SH3BP1: variants seen among roughly 807,000 people sequenced by gnomAD.
SH3BP1 encodes the protein SH3 domain binding protein 1, also known as SH3 domain-binding protein 1.
In SH3BP1, 46 loss-of-function variants were observed where a neutral mutation model predicts 69.8. The ratio of observed to expected loss-of-function variants is 0.66; its 90% CI spans 0.52 to 0.84. The LOEUF (loss-of-function observed/expected upper bound fraction) is 0.84, where lower values mean the gene tolerates loss of function less well. SH3BP1 is among the 40% of genes least tolerant of loss of function. The probability of loss-of-function intolerance (pLI) is 0.00; values close to 1 mark genes in which losing one functional copy is unlikely to be tolerated. For missense variants in SH3BP1, 868 were observed against 930.9 expected, an observed-to-expected ratio of 0.93 and a Z score of 0.88; for synonymous variants, 403 against 378.0, an observed-to-expected ratio of 1.07 and a Z score of -0.77.
intron 4 of SH3BP1, 34 bp from the exon 5 acceptor site, chr22:37,642,861 G>C: frequency 1.2e-6 from 2 of 1,603,514 alleles, no homozygotes; most frequent in South Asian, 2.2e-5. Context: ...TGAGGGCAGC[G>C]GGCGCCTGGA....
At chr22:37,647,115 G>A (rs1352155268) in intron 11 of SH3BP1, 152 bp from the exon 12 acceptor site, 2 of 805,270 alleles carry the variant, frequency 2.5e-6, no homozygotes, top group African/African-American at 3.4e-5. Context: ...GGACAAGATG[G>A]CTAGCCTTCA....
chr22:37,641,351 T>C, intron 2 of SH3BP1, 23 bp from the exon 3 acceptor site: 1 of 1,550,212 alleles, frequency 6.5e-7, no homozygotes, highest in Non-Finnish European at 8.7e-7. Flanking sequence ...TCTTGATCCT[T>C]AACCTCCATA....
In SH3BP1 at chr22:37,655,827, A is replaced by C; in HGVS notation, c.*143A>C. The C allele has an allele frequency of 2.7e-6, 4 of 1,462,726 alleles. No individual in the cohort carries two copies. Among genetic ancestry groups the C allele is most frequent in the East Asian group, 2.5e-5 (1 of 39,426 alleles). The allele number at this position is 1,462,726 out of a possible 1,614,324, so 90.6% of individuals were successfully genotyped here. On this transcript the variant is annotated 3_prime_UTR_variant, in exon 18 of 18. Coordinates refer to ENST00000649765, the MANE Select transcript of SH3BP1 (RefSeq NM_018957.6). ...CTCAGTGCCCACTGGGTCGGCCCCC[A>C]TGGCCAGGAGGGCTCAGGACAATCC...
chr22:37,641,317 T>C (rs964027487), intron 2 of SH3BP1, 57 bp from the exon 3 acceptor site: 23 of 1,537,414 alleles, frequency 1.5e-5, no homozygotes, highest in Non-Finnish European at 2.0e-5. Flanking sequence ...GGAGAAAGTT[T>C]CCTGCTCAGG....
chr22:37,645,863 CT>C (rs1406545795), intron 10 of SH3BP1, among the ~76,000 whole-genome samples: 3 of 152,154 alleles, frequency 2.0e-5, no homozygotes, highest in African/African-American at 7.2e-5. Context: ...CATTGCCCCC[CT>C]GTCCTGAAGA....
rs781142308 is a variant in SH3BP1 at position 37,650,690 on chromosome 22, G to A, written c.1563G>A (p.Pro521=). 2.0e-5 allele frequency: 33 copies of A among 1,613,112 alleles called. No individual in the cohort carries two copies. The highest frequency in any genetic ancestry group is 1.3e-4 in the African/African-American group (10 of 75,038). Residue 521 remains proline, a synonymous_variant, in exon 16 of 18, where the codon CCG becomes CCA. Coordinates refer to ENST00000649765, the MANE Select transcript of SH3BP1 (RefSeq NM_018957.6). ...PAPAPAPAPA[P]APALASAATK... is the part of the protein sequence containing the mutation. Reference sequence around the variant, plus strand: ...CGGCTCCGGCTCCAGCTCCAGCTCCGGCCCCAGCCTTGGCTTCAGCAGCTA... The same window carrying A: ...CGGCTCCGGCTCCAGCTCCAGCTCCAGCCCCAGCCTTGGCTTCAGCAGCTA...
chr22:37,645,099 G>A, intron 9 of SH3BP1, 139 bp downstream of exon 9: 1 of 877,904 alleles, frequency 1.1e-6, no homozygotes, highest in East Asian at 2.7e-5. Flanking sequence ...GTGATGGAGA[G>A]GCAGCTCTGG....
At position 37,655,790 on chromosome 22, in the gene SH3BP1, G is replaced by A. The variant is rs897002484; in HGVS notation, c.*106G>A. On this transcript the variant is annotated 3_prime_UTR_variant, in exon 18 of 18. Transcript: ENST00000649765. ...AAAGGGGCATGGGCCTCCAGCCTTT[G>A]CCCACAAGTGCCTCAGTGCCCACTG... 6.9e-7 allele frequency: 1 copy of A among 1,448,498 alleles called. No homozygotes were observed. The highest frequency in any genetic ancestry group is 9.0e-7 in the Non-Finnish European group (1 of 1,106,924). The allele number at this position is 1,448,498 out of a possible 1,614,324, so 89.7% of individuals were successfully genotyped here.
In SH3BP1 at chr22:37,656,039, C is replaced by G. The variant is rs749547260; in HGVS notation, c.*355C>G. On this transcript the variant is annotated 3_prime_UTR_variant, in exon 18 of 18. Transcript: ENST00000649765. ...GGTAAATAAATTATTTTGGACAAAA[C>G]TGGAGCAGCTGCCCAAATGATAGTT... is the stretch of plus-strand genomic sequence containing the variant. The G allele has an allele frequency of 7.2e-7, 1 of 1,394,364 alleles. No homozygotes were observed. Among genetic ancestry groups the G allele is most frequent in the East Asian group, 3.9e-5 (1 of 25,624 alleles). 86.4% of individuals were successfully genotyped at this position (1,394,364 alleles called of 1,614,324 possible).
chr22:37,655,940 A>C lies in SH3BP1; in HGVS notation c.*256A>C. ...CTCTCCGGCAGGTCCTAGGGGAGCC[A>C]CCGGAAGGAAGGAGAGGTTTGCCTG... On this transcript the variant is annotated 3_prime_UTR_variant, in exon 18 of 18. Coordinates refer to ENST00000649765, the MANE Select transcript of SH3BP1 (RefSeq NM_018957.6). 1 of 1,562,200 alleles carries C rather than the reference A, an allele frequency of 6.4e-7. No individual in the cohort carries two copies. The highest frequency in any genetic ancestry group is 8.6e-7 in the Non-Finnish European group (1 of 1,157,788).
rs1244991255 is a variant in SH3BP1, at chr22:37,655,912, C to G, written c.*228C>G. ...CTTGGGGACCCCCCCACCGGACTCT[C>G]CACTCTCCGGCAGGTCCTAGGGGAG... On this transcript the variant is annotated 3_prime_UTR_variant, in exon 18 of 18. Transcript: ENST00000649765. 5 of 1,567,580 alleles carry G rather than the reference C, an allele frequency of 3.2e-6. No homozygotes were observed. The highest frequency in any genetic ancestry group is 4.3e-6 in the Non-Finnish European group (5 of 1,163,356).
chr22:37,645,994 T>C (rs1284362543), intron 10 of SH3BP1, among the ~76,000 whole-genome samples: 2 of 136,888 alleles, frequency 1.5e-5, no homozygotes, highest in Non-Finnish European at 3.1e-5. Flanking sequence ...AGATATGGAG[T>C]GTTGCTCTGT....
chr22:37,645,365 ACCACTCCCCTTCGATGACAGCCAC>A lies in SH3BP1; in HGVS notation c.785_808del (p.Ser262_His269del). The A allele has an allele frequency of 6.2e-7, 1 of 1,607,138 alleles. No homozygotes were observed. Among genetic ancestry groups the A allele is most frequent in the South Asian group, 1.1e-5 (1 of 90,784 alleles). On this transcript the variant is annotated inframe_deletion and splice_region_variant, in exon 10 of 18. Transcript: ENST00000649765. ...CCGCTGATCTGTTTCATCCCTGCAG[ACCACTCCCCTTCGATGACAGCCAC>A]CCACTTCCCCAGGGTGTATGGGGTG...
chr22:37,650,693 C>A lies in SH3BP1; in HGVS notation c.1566C>A (p.Ala522=), dbSNP rs1293377062. 6.2e-7 allele frequency: 1 copy of A among 1,612,908 alleles called. No individual in the cohort carries two copies. Among genetic ancestry groups the A allele is most frequent in the Admixed American group, 1.7e-5 (1 of 59,904 alleles). ...APAPAPAPAP[A]PALASAATKE... is the part of the protein sequence containing the mutation. ...CTCCGGCTCCAGCTCCAGCTCCGGC[C>A]CCAGCCTTGGCTTCAGCAGCTACCA... The change falls in exon 16 of 18, where the codon GCC becomes GCA. Residue 522 remains alanine, a synonymous_variant. Coordinates refer to ENST00000649765, the MANE Select transcript of SH3BP1 (RefSeq NM_018957.6).
Position 37,641,484 on chromosome 22 carries a change from T to TG in SH3BP1, c.207+12dup, listed in dbSNP as rs546905483. ...CAGACATGGACAAGCGGGTGGTGAG[T>TG]GGGGGGTCCCGGGAAGGAGGGGCCT... On this transcript the variant is annotated splice_region_variant and intron_variant, in intron 3 of 17. Coordinates refer to ENST00000649765, the MANE Select transcript of SH3BP1 (RefSeq NM_018957.6). 90 of 1,547,542 alleles carry TG rather than the reference T, an allele frequency of 5.8e-5. No homozygotes were observed. In the African/African-American group the frequency reaches 8.4e-4, roughly 14 times the overall value.
chr22:37,639,695 A>T lies in SH3BP1; in HGVS notation c.-93A>T, dbSNP rs1932507599. 1 of 777,082 alleles carries T rather than the reference A, an allele frequency of 1.3e-6. No homozygotes were observed. The highest frequency in any genetic ancestry group is 1.9e-6 in the Non-Finnish European group (1 of 526,590). The allele number at this position is 777,082 out of a possible 1,614,324, so 48.1% of individuals were successfully genotyped here. A position where few individuals can be genotyped will look rare whatever the true frequency, so the allele number is the denominator to read the frequency against. On this transcript the variant is annotated 5_prime_UTR_variant, in exon 1 of 18. Transcript: ENST00000649765. ...AGAGCGCCGCCCACCCATCCGGGGC[A>T]AGAGCCGCGCCGCAGGAGAGGCAGG...
At chr22:37,645,847 T>G (rs969112314) in intron 10 of SH3BP1, among the ~76,000 whole-genome samples, 2 of 152,038 alleles carry the variant, frequency 1.3e-5, no homozygotes, top group African/African-American at 4.8e-5. Context: ...GGATCTGCTG[T>G]GAATACATTG....
rs147213616 is a variant in SH3BP1 at position 37,650,102 on chromosome 22, G to T, written c.1317-50G>T. On this transcript the variant is annotated intron_variant, in intron 14 of 17. Coordinates refer to ENST00000649765, the MANE Select transcript of SH3BP1 (RefSeq NM_018957.6). ...ATTGCCCAGCACAGAGCCAGCCAGA[G>T]AGTTGGGGTCACAAACCCTTTGCTG... 930 of 1,597,708 alleles carry T rather than the reference G, an allele frequency of 5.8e-4. 9 individuals carry two copies. The African/African-American group carries it at 0.011, about 20-fold the overall frequency.
intron 7 of SH3BP1, 46 bp from the exon 8 acceptor site, chr22:37,644,591 C>T (rs1369044787): frequency 1.3e-6 from 2 of 1,590,472 alleles, no homozygotes; most frequent in Admixed American, 3.3e-5. Flanking sequence ...CCCCTCTAGA[C>T]CCCACAGCCT....
Sources: allele counts gnomAD v4.1 joint callset (sites outside exome capture counted in the v4.1 genomes callset), GRCh38; gene constraint gnomAD v4.1.1; transcripts MANE v1.5; gene names NCBI Gene and HGNC (gene_info 2026-07-23, HGNC 2026-07-21).